PPP1R12A: variants seen among roughly 807,000 people sequenced by gnomAD.
PPP1R12A encodes protein phosphatase 1 regulatory subunit 12A, also known as myosin binding subunit.
Under a neutral mutation model 139.6 loss-of-function variants are expected in PPP1R12A, and 19 were observed. The observed-to-expected ratio is 0.14, with a 90% CI of 0.09 to 0.20. PPP1R12A has a LOEUF of 0.20. Among genes scored for constraint, PPP1R12A ranks in the 10% least tolerant of loss-of-function variants. The pLI, the probability that PPP1R12A is intolerant of heterozygous loss-of-function variation, is 1.00. For synonymous variants in PPP1R12A, 427 were observed against 420.6 expected, an observed-to-expected ratio of 1.02 and a Z score of -0.19; for missense variants, 925 against 1,211.5, an observed-to-expected ratio of 0.76 and a Z score of 3.51.
intron 1 of PPP1R12A, among the ~76,000 whole-genome samples, chr12:79,924,386 T>G (rs926367898): frequency 6.6e-6 from 1 of 152,158 alleles, no homozygotes; most frequent in Non-Finnish European, 1.5e-5. Flanking sequence ...AAAACAATAG[T>G]TCTTAATGAC....
intron 5 of PPP1R12A, among the ~76,000 whole-genome samples, chr12:79,826,750 G>C (rs979959087): frequency 3.9e-5 from 6 of 152,074 alleles, no homozygotes; most frequent in Non-Finnish European, 7.4e-5. Context: ...ACAATATATT[G>C]TGTATGTTTC....
chr12:79,853,406 A>T (rs1475360035), intron 2 of PPP1R12A, among the ~76,000 whole-genome samples: 1 of 152,198 alleles, frequency 6.6e-6, no homozygotes, highest in African/African-American at 2.4e-5. Flanking sequence ...CCTCTGCCTT[A>T]TTCTCTCCAC....
At chr12:79,930,457 T>C (rs1190437520) in intron 1 of PPP1R12A, among the ~76,000 whole-genome samples, 3 of 151,884 alleles carry the variant, frequency 2.0e-5, no homozygotes, top group Non-Finnish European at 4.4e-5. Context: ...GGAAAAACAA[T>C]TAAGCTATTA....
At chr12:79,797,417 T>C (rs778526642) in intron 15 of PPP1R12A, 22 bp from the exon 16 acceptor site, 25 of 1,548,308 alleles carry the variant, frequency 1.6e-5, no homozygotes, top group South Asian at 6.2e-5. Flanking sequence ...AAAAGATCAA[T>C]ATAATTATGA....
Position 79,775,862 on chromosome 12 carries a change from G to C in PPP1R12A, c.*67C>G. The C allele has an allele frequency of 9.1e-7, 1 of 1,095,464 alleles. No homozygotes were observed. Among genetic ancestry groups the C allele is most frequent in the Non-Finnish European group, 1.3e-6 (1 of 784,466 alleles). 67.9% of individuals were successfully genotyped at this position (1,095,464 alleles called of 1,614,324 possible). A position where few individuals can be genotyped will look rare whatever the true frequency, so the allele number is the denominator to read the frequency against. On this transcript the variant is annotated 3_prime_UTR_variant, in exon 25 of 25. Coordinates refer to ENST00000450142, the MANE Select transcript of PPP1R12A (RefSeq NM_002480.3). ...CAAGGATTCTTCCCAGACTTCCAGTGACTGCCAATTATGGTCCACTGGGTT... is the reference window on the plus strand; with the variant it reads ...CAAGGATTCTTCCCAGACTTCCAGTCACTGCCAATTATGGTCCACTGGGTT...
At chr12:79,839,033 G>A (rs1014816738) in intron 3 of PPP1R12A, among the ~76,000 whole-genome samples, 86 of 152,352 alleles carry the variant, frequency 5.6e-4, no homozygotes, top group Non-Finnish European at 5.9e-5. Flanking sequence ...AAGAAGCCAG[G>A]AGTGGGGCTG....
chr12:79,787,743 C>T (rs549630635), intron 21 of PPP1R12A: 2 of 152,416 alleles, frequency 1.3e-5, no homozygotes, highest in African/African-American at 4.8e-5. Context: ...AACTCCCGAC[C>T]TCAGGTGATG....
intron 3 of PPP1R12A, among the ~76,000 whole-genome samples, chr12:79,834,189 G>C (rs1877803703): frequency 6.6e-6 from 1 of 152,166 alleles, no homozygotes; most frequent in Non-Finnish European, 1.5e-5. Context: ...ATTTTAAATA[G>C]GTTGGTAAAA....
chr12:79,791,394 C>T (rs914993010), intron 19 of PPP1R12A, among the ~76,000 whole-genome samples: 1 of 152,104 alleles, frequency 6.6e-6, no homozygotes, highest in South Asian at 2.1e-4. Flanking sequence ...GTGATATGAT[C>T]ACAGCTCACT....
intron 1 of PPP1R12A, among the ~76,000 whole-genome samples, chr12:79,929,308 G>A (rs1014783363): frequency 2.0e-5 from 3 of 152,140 alleles, no homozygotes; most frequent in Non-Finnish European, 4.4e-5. Flanking sequence ...GTCGTGGATC[G>A]ACCTGTCCAC....
intron 6 of PPP1R12A, 44 bp from the exon 7 acceptor site, chr12:79,821,210 ATACTAT>A (rs779328737): frequency 1.5e-6 from 2 of 1,342,052 alleles, no homozygotes; most frequent in Admixed American, 1.8e-5. Flanking sequence ...AACTATTAAG[ATACTAT>A]TACTAAGATG....
At chr12:79,867,559 T>C (rs767029802) in intron 2 of PPP1R12A, among the ~76,000 whole-genome samples, 38 of 150,882 alleles carry the variant, frequency 2.5e-4, no homozygotes, top group Non-Finnish European at 5.4e-4. Context: ...CTACTGAAGG[T>C]AGATAGCAAG....
rs76840355 is a variant in PPP1R12A, at chr12:79,902,040, C to T, written c.238-29102G>A. ...TCTGAAGGGAAGTGTAGCTAGAATA[C>T]AGATTAACAAGAGAAGAGACTACAA... On this transcript the variant is annotated intron_variant, in intron 1 of 24. Coordinates refer to ENST00000450142, the MANE Select transcript of PPP1R12A (RefSeq NM_002480.3). Among the ~76,000 whole-genome samples the T allele has an allele frequency of 7.2e-3, 1,090 of 152,224 alleles. 39 individuals are homozygous for T. Among genetic ancestry groups the T allele is most frequent in the East Asian group, 0.069 (360 of 5,180 alleles).
intron 2 of PPP1R12A, among the ~76,000 whole-genome samples, chr12:79,846,350 T>A (rs1879387336): frequency 6.6e-6 from 1 of 152,198 alleles, no homozygotes; most frequent in Admixed American, 6.5e-5. Flanking sequence ...TTTATCTATT[T>A]AATCATGTCA....
At chr12:79,899,958 C>A (rs889785233) in intron 1 of PPP1R12A, among the ~76,000 whole-genome samples, 2 of 152,044 alleles carry the variant, frequency 1.3e-5, no homozygotes, top group African/African-American at 4.8e-5. Context: ...ATTGGTTGTA[C>A]CATTCATGTT....
chr12:79,902,028 G>C (rs1003025381), intron 1 of PPP1R12A, among the ~76,000 whole-genome samples: 7 of 152,192 alleles, frequency 4.6e-5, no homozygotes, highest in African/African-American at 1.7e-4. Flanking sequence ...GAAGGGAAGT[G>C]TAGCTAGAAT....
chr12:79,778,478 A>C (rs1466272681), intron 24 of PPP1R12A, 72 bp downstream of exon 24: 2 of 1,041,672 alleles, frequency 1.9e-6, no homozygotes, highest in Non-Finnish European at 2.7e-6. Flanking sequence ...AATGTAAACC[A>C]TATCTATAAT....
rs535853147 is a variant in PPP1R12A at position 79,807,169 on chromosome 12, T to C, written c.1655+57A>G. The C allele has an allele frequency of 2.9e-4, 285 of 972,508 alleles. 1 individual carries two copies. Among genetic ancestry groups the C allele is most frequent in the South Asian group, 2.9e-3 (177 of 61,884 alleles). The allele number at this position is 972,508 out of a possible 1,614,324, so 60.2% of individuals were successfully genotyped here. A position where few individuals can be genotyped will look rare whatever the true frequency, so the allele number is the denominator to read the frequency against. On this transcript the variant is annotated intron_variant, in intron 12 of 24. Transcript: ENST00000450142. ...TGTTAAACTGAGGGCTCCAAACAAA[T>C]TGCCTCATATTTTTATAAATGAATA...
intron 1 of PPP1R12A, among the ~76,000 whole-genome samples, chr12:79,881,015 A>G (rs763062115): frequency 2.6e-5 from 4 of 152,164 alleles, no homozygotes; most frequent in African/African-American, 4.8e-5. Context: ...TATTCATAGA[A>G]GATGGTGAAC....
Sources: allele counts gnomAD v4.1 joint callset (sites outside exome capture counted in the v4.1 genomes callset), GRCh38; gene constraint gnomAD v4.1.1; transcripts MANE v1.5; gene names NCBI Gene and HGNC (gene_info 2026-07-23, HGNC 2026-07-21).